Variants in COL5A3 observed in about 807,000 individuals in gnomAD.
COL5A3 encodes the protein collagen type V alpha 3 chain.
Under a neutral mutation model 250.0 loss-of-function variants are expected in COL5A3, and 172 were observed. That is an observed-to-expected ratio of 0.69 (90% CI 0.61 to 0.78). The LOEUF (loss-of-function observed/expected upper bound fraction) is 0.78. COL5A3 is among the 30% of genes least tolerant of loss of function. The probability of loss-of-function intolerance (pLI) is 0.00; values close to 1 mark genes in which losing one functional copy is unlikely to be tolerated. For synonymous variants in COL5A3, 937 were observed against 900.4 expected (o/e 1.04, Z -0.73); for missense variants, 2,340 against 2,334.4 (o/e 1.00, Z -0.05).
At position 9,968,713 on chromosome 19, in the gene COL5A3, G is replaced by A; in HGVS notation, c.4168C>T (p.Pro1390Ser). ...GGGCCAGTGTCTCCCTTCAGCCCTGGGAGGCCAGAGGGCCCCTGGGAGAAG... is the reference window on the plus strand; with the variant it reads ...GGGCCAGTGTCTCCCTTCAGCCCTGAGAGGCCAGAGGGCCCCTGGGAGAAG... ...PPGPLGPSGL[P>S]GLKGDTGPKG... is the part of the protein sequence containing the mutation. The change falls in exon 58 of 67, where the codon CCA (proline) becomes TCA (serine). Residue 1390 changes from proline (P) to serine (S), a missense_variant. By Grantham distance (74) the Pro-to-Ser change is moderately conservative. Transcript: ENST00000264828. This position sits in a 1 kb window ranked among gnomAD's most constrained non-coding sequence, Gnocchi z 4.1. 2.5e-6 allele frequency: 4 copies of A among 1,605,622 alleles called. No homozygotes were observed. Among genetic ancestry groups the A allele is most frequent in the Non-Finnish European group, 3.4e-6 (4 of 1,177,390 alleles).
intron 50 of COL5A3, among the ~76,000 whole-genome samples, 199 bp from the exon 51 acceptor site, chr19:9,973,225 T>C (rs950651454): frequency 2.0e-5 from 3 of 152,242 alleles, no homozygotes; most frequent in South Asian, 2.1e-4. Flanking sequence ...TAGGTGCCCA[T>C]TGGTCATGTG....
intron 31 of COL5A3, among the ~76,000 whole-genome samples, chr19:9,983,564 GAAAGAAAGAAAGAAAGAAAGAAAGAA>G (rs1226192868): frequency 1.7e-4 from 12 of 69,386 alleles, no homozygotes; most frequent in African/African-American, 5.0e-4. Flanking sequence ...AAGAAAGAAA[GAAAGAAAGAAAGAAAGAAAGAAAGAA>G]AGAAAGAAAG....
At chr19:9,970,949 A>G (rs373582336) in intron 53 of COL5A3, 26 bp downstream of exon 53, 57 of 1,551,932 alleles carry the variant, frequency 3.7e-5, no homozygotes, top group Non-Finnish European at 4.9e-5. Flanking sequence ...CCGCCTCAGC[A>G]CCACACCCTC....
At chr19:10,002,179 C>T (rs548952459) in intron 6 of COL5A3, among the ~76,000 whole-genome samples, 1 of 152,234 alleles carries the variant, frequency 6.6e-6, no homozygotes, top group East Asian at 1.9e-4. Context: ...CATGTCCTCT[C>T]CCAAGGCAGA....
In COL5A3 at chr19:9,993,073, G is replaced by T; in HGVS notation, c.1750-6C>A. The stretch of plus-strand genomic sequence containing the variant: ...CCTGGAGGTCCCTCTGCTCCCTGTG[G>T]AAAAGCGTCATTACTTGGGAACAGG... On this transcript the variant is annotated splice_polypyrimidine_tract_variant and splice_region_variant and intron_variant, in intron 19 of 66. Transcript: ENST00000264828. The T allele has an allele frequency of 6.2e-7, 1 of 1,613,828 alleles. No homozygotes were observed. The highest frequency in any genetic ancestry group is 1.1e-5 in the South Asian group (1 of 91,058).
chr19:10,008,767 C>G (rs1184721590), intron 1 of COL5A3, among the ~76,000 whole-genome samples: 1 of 152,152 alleles, frequency 6.6e-6, no homozygotes, highest in African/African-American at 2.4e-5. Flanking sequence ...GGCCATGCAA[C>G]GCTTGCCGTG....
At chr19:9,973,091 T>C (rs1599537609) in intron 50 of COL5A3, 65 bp from the exon 51 acceptor site, 1 of 1,426,486 alleles carries the variant, frequency 7.0e-7, no homozygotes, top group African/African-American at 1.4e-5. Flanking sequence ...ATTAGCATAC[T>C]TGGATTCAGG....
In COL5A3 at chr19:9,968,483, C is replaced by T. The variant is rs2086786073; in HGVS notation, c.4216G>A (p.Gly1406Arg). Residue 1406 changes from glycine (G) to arginine (R), a missense_variant, in exon 59 of 67, where the codon GGA becomes AGA. Around this residue, in one of 3 missense-constraint regions of COL5A3, gnomAD observed 1,179 missense variants for 1,162.6 expected, o/e 1.01. Transcript: ENST00000264828. The surrounding 1 kb of genome is among the most constrained non-coding windows in gnomAD (Gnocchi z 4.1). Reference sequence around the variant, plus strand: ...GGGGGGCCAATGAGACCGATCAATCCAATGTGGCCCTGAAGGACAAAAGAG... The same window carrying T: ...GGGGGGCCAATGAGACCGATCAATCTAATGTGGCCCTGAAGGACAAAAGAG... Reference protein sequence around the residue: ...TGPKGEKGHIGLIGLIGPPGE... With the variant: ...TGPKGEKGHIRLIGLIGPPGE... The T allele has an allele frequency of 1.9e-6, 3 of 1,585,000 alleles. No homozygotes were observed. Among genetic ancestry groups the T allele is most frequent in the Admixed American group, 2.0e-5 (1 of 49,714 alleles).
intron 65 of COL5A3, among the ~76,000 whole-genome samples, chr19:9,962,147 C>A (rs923862126): frequency 2.0e-5 from 3 of 151,326 alleles, no homozygotes; most frequent in Admixed American, 2.0e-4. Context: ...CGCTCTGTTG[C>A]CCAGGCTGGA....
chr19:10,008,739 T>C (rs1391893898), intron 1 of COL5A3, among the ~76,000 whole-genome samples: 3 of 152,188 alleles, frequency 2.0e-5, no homozygotes, highest in Admixed American at 6.6e-5. Flanking sequence ...AGGGATTAGA[T>C]ACACTTGCTT....
chr19:9,990,703 C>G (rs1273365394), intron 24 of COL5A3, among the ~76,000 whole-genome samples: 5 of 151,894 alleles, frequency 3.3e-5, no homozygotes, highest in Non-Finnish European at 5.9e-5. Flanking sequence ...GCTGGGACTA[C>G]AGGCGCGCGC....
intron 51 of COL5A3, 142 bp from the exon 52 acceptor site, chr19:9,971,400 A>G (rs2086844559): frequency 3.0e-6 from 2 of 660,428 alleles, no homozygotes; most frequent in Non-Finnish European, 5.1e-6. Flanking sequence ...GGCTTGGTAG[A>G]GCGAACATTC....
chr19:9,967,806 T>C (rs2086775660), intron 61 of COL5A3, 98 bp downstream of exon 61: 2 of 1,242,452 alleles, frequency 1.6e-6, no homozygotes, highest in Non-Finnish European at 2.2e-6. Context: ...ATTGCATGAA[T>C]AAATAAATAA....
chr19:9,993,175 C>T (rs1210816908), intron 19 of COL5A3, 108 bp from the exon 20 acceptor site: 2 of 1,257,478 alleles, frequency 1.6e-6, no homozygotes, highest in Non-Finnish European at 2.3e-6. Flanking sequence ...AGACCAGGAT[C>T]CCTGGGAACC....
intron 36 of COL5A3, 41 bp downstream of exon 36, chr19:9,979,953 C>G (rs1272558503): frequency 1.3e-6 from 2 of 1,576,524 alleles, no homozygotes; most frequent in East Asian, 4.6e-5. Flanking sequence ...CTTCCCACAT[C>G]CTCCACCCAC....
At chr19:10,003,841 G>C (rs1467053248) in intron 5 of COL5A3, 127 bp from the exon 6 acceptor site, 1 of 1,292,960 alleles carries the variant, frequency 7.7e-7, no homozygotes, top group Non-Finnish European at 1.1e-6. Flanking sequence ...TGGAGTCAAC[G>C]TTATTCATGT....
Position 9,969,375 on chromosome 19 carries a change from C to T in COL5A3, c.4126G>A (p.Gly1376Arg), listed in dbSNP as rs1368005145. 2 of 1,607,238 alleles carry T rather than the reference C, an allele frequency of 1.2e-6. No homozygotes were observed. The highest frequency in any genetic ancestry group is 1.3e-5 in the African/African-American group (1 of 74,680). ...VGEPGLLGAP[G>R]QMGPPGPLGP... is the part of the protein sequence containing the mutation. ...AGGGGGCCAGGAGGGCCCATCTGTC[C>T]AGGGGCTCCCAGGAGGCCTGGTTCA... is the stretch of plus-strand genomic sequence containing the variant. The change falls in exon 57 of 67, where the codon GGA becomes AGA. Residue 1376 changes from glycine (G) to arginine (R), a missense_variant. By Grantham distance (125) the Gly-to-Arg change is moderately radical (BLOSUM62 -2). Coordinates refer to ENST00000264828, the MANE Select transcript of COL5A3 (RefSeq NM_015719.4).
intron 10 of COL5A3, 152 bp from the exon 11 acceptor site, chr19:9,997,585 C>T (rs1218200961): frequency 1.6e-6 from 1 of 609,494 alleles, no homozygotes. Flanking sequence ...CCCCCACTCA[C>T]CCCCAACGCT....
Position 9,995,633 on chromosome 19 carries a change from A to T in COL5A3, c.1534-16T>A. ...CTCGGGGACCCTAGAAGAAAGCAAA[A>T]AGGAGGAAGGAAAGGAAAATAAGAA... On this transcript the variant is annotated splice_polypyrimidine_tract_variant and intron_variant, in intron 15 of 66. Transcript: ENST00000264828. The T allele has an allele frequency of 6.4e-7, 1 of 1,558,792 alleles. No individual in the cohort carries two copies. Among genetic ancestry groups the T allele is most frequent in the Non-Finnish European group, 8.7e-7 (1 of 1,150,972 alleles).
Sources: gnomAD v4.1 joint callset for allele counts (sites outside exome capture counted in the v4.1 genomes callset) on GRCh38, gnomAD v4.1.1 for gene constraint, gnomAD v4.1.1 regional missense constraint, Gnocchi (gnomAD v3.1) non-coding constraint, MANE v1.5 for transcripts, NCBI Gene and HGNC (gene_info 2026-07-23, HGNC 2026-07-21) for gene names.